Variants in PRKN observed in about 807,000 individuals in gnomAD.
PRKN encodes E3 ubiquitin-protein ligase parkin.
Under a neutral mutation model 59.5 loss-of-function variants are expected in PRKN, and 56 were observed. The observed-to-expected ratio is 0.94, with a 90% CI of 0.76 to 1.18. The LOEUF is 1.18. PRKN is among the 50% of genes most tolerant of loss of function. The pLI is 0.00. For missense variants in PRKN, 657 were observed against 596.4 expected (o/e 1.10, Z -1.06); for synonymous variants, 250 against 222.1 (o/e 1.13, Z -1.12).
intron 3 of PRKN, among the ~76,000 whole-genome samples, chr6:162,228,595 C>T (rs777545711): frequency 2.0e-5 from 3 of 152,092 alleles, no homozygotes; most frequent in Non-Finnish European, 4.4e-5. Context: ...GCTGAAAGAT[C>T]GTTAAATGGT....
Position 162,641,879 on chromosome 6 carries a change from G to T in PRKN, c.7+85783C>A, listed in dbSNP as rs1037938262. On this transcript the variant is annotated intron_variant, in intron 1 of 11. Transcript: ENST00000366898. ...ACAGAATTTACCAAAAAATTAACAC[G>T]TTTCATTATTTCTTTACAGATTCAG... is the stretch of plus-strand genomic sequence containing the variant. 2.0e-5 allele frequency among the ~76,000 whole-genome samples: 3 copies of T among 151,980 alleles called. No homozygotes were observed. In the East Asian group the frequency reaches 5.8e-4, roughly 29 times the overall value.
chr6:161,630,695 T>C (rs1168716765), intron 7 of PRKN, among the ~76,000 whole-genome samples: 3 of 152,134 alleles, frequency 2.0e-5, no homozygotes, highest in Non-Finnish European at 4.4e-5. Flanking sequence ...GGTTTTCTCT[T>C]GTCATCATCA....
rs1269470353 is a variant in PRKN at position 162,461,533 on chromosome 6, GAAAA to G, written c.8-18064_8-18061del. Among the ~76,000 whole-genome samples the G allele has an allele frequency of 1.5e-4, 15 of 97,640 alleles. No individual in the cohort carries two copies. The East Asian group carries it at 5.1e-3, about 33-fold the overall frequency. 64.1% of individuals were successfully genotyped at this position (97,640 alleles called of 152,430 possible). Reference sequence around the variant, plus strand: ...AAAAAAAAAAAAAAAAAAAAAGAAAGAAAAAGAAAAGAAAAGAAAACAAAAAAAG... The same window carrying G: ...AAAAAAAAAAAAAAAAAAAAAGAAAGAGAAAAGAAAAGAAAACAAAAAAAG... On this transcript the variant is annotated intron_variant, in intron 1 of 11. Coordinates refer to ENST00000366898, the MANE Select transcript of PRKN (RefSeq NM_004562.3).
chr6:162,260,044 A>C (rs1348271040), intron 3 of PRKN, among the ~76,000 whole-genome samples: 1 of 152,196 alleles, frequency 6.6e-6, no homozygotes, highest in Non-Finnish European at 1.5e-5. Flanking sequence ...CAATCTTTAC[A>C]GATGCAACAT....
At chr6:162,705,480 C>G (rs976378586) in intron 1 of PRKN, among the ~76,000 whole-genome samples, 3 of 152,028 alleles carry the variant, frequency 2.0e-5, no homozygotes, top group African/African-American at 7.2e-5. Context: ...TCTAGATGTC[C>G]CATTAAGCAA....
intron 1 of PRKN, among the ~76,000 whole-genome samples, chr6:162,562,939 G>A (rs1403784909): frequency 2.6e-5 from 4 of 152,168 alleles, no homozygotes; most frequent in Non-Finnish European, 5.9e-5. Context: ...GTGGCCACAG[G>A]GGTGCTTGTG....
chr6:162,414,586 C>CG (rs1788519872), intron 2 of PRKN, among the ~76,000 whole-genome samples: 1 of 151,500 alleles, frequency 6.6e-6, no homozygotes, highest in Non-Finnish European at 1.5e-5. Context: ...TTGGTGGTGC[C>CG]TGTAGTCCCA....
Position 161,468,453 on chromosome 6 carries a change from T to C in PRKN, c.1083+80401A>G, listed in dbSNP as rs1790595515. ...CAAATCCTACAGAGTATCCTTTAAA[T>C]GGCAAGGGGGTACTTCAGCCTGACT... On this transcript the variant is annotated intron_variant, in intron 9 of 11. Coordinates refer to ENST00000366898, the MANE Select transcript of PRKN (RefSeq NM_004562.3). The surrounding 1 kb of genome is among the most constrained non-coding windows in gnomAD (Gnocchi z 5.9). Among the ~76,000 whole-genome samples the C allele has an allele frequency of 6.6e-6, 1 of 152,234 alleles. No individual in the cohort carries two copies. Among genetic ancestry groups the C allele is most frequent in the Admixed American group, 6.5e-5 (1 of 15,286 alleles).
At chr6:162,380,245 CATT>C (rs1786357018) in intron 2 of PRKN, among the ~76,000 whole-genome samples, 1 of 151,542 alleles carries the variant, frequency 6.6e-6, no homozygotes, top group African/African-American at 2.4e-5. Flanking sequence ...ATAGTGATAG[CATT>C]ATAATGTGAC....
chr6:161,800,525 C>A (rs1181569584), intron 6 of PRKN, among the ~76,000 whole-genome samples: 1 of 152,150 alleles, frequency 6.6e-6, no homozygotes, highest in African/African-American at 2.4e-5. Flanking sequence ...ACTATAGCTC[C>A]CTTTAAAAAA....
At chr6:161,823,670 A>G (rs986997814) in intron 6 of PRKN, among the ~76,000 whole-genome samples, 25 of 152,196 alleles carry the variant, frequency 1.6e-4, no homozygotes, top group Admixed American at 5.2e-4. Flanking sequence ...AACCCATTAA[A>G]GCCACATTTG....
At chr6:161,664,480 G>A (rs546692095) in intron 7 of PRKN, among the ~76,000 whole-genome samples, 9 of 152,162 alleles carry the variant, frequency 5.9e-5, no homozygotes, top group East Asian at 3.9e-4. Flanking sequence ...TTATAGTTAC[G>A]GCAACTTCTT....
In PRKN at chr6:161,576,322, G is replaced by A. The variant is rs1781129015; in HGVS notation, c.872-6906C>T. 6.6e-6 allele frequency among the ~76,000 whole-genome samples: 1 copy of A among 152,154 alleles called. No homozygotes were observed. The highest frequency in any genetic ancestry group is 1.5e-5 in the Non-Finnish European group (1 of 68,034). ...CCGTAGCCAATACTTGCTGTCTCAA[G>A]ATATCCTAAGCCAGTTAAGGAGAAT... On this transcript the variant is annotated intron_variant, in intron 7 of 11. Coordinates refer to ENST00000366898, the MANE Select transcript of PRKN (RefSeq NM_004562.3). This position sits in a 1 kb window ranked among gnomAD's most constrained non-coding sequence, Gnocchi z 4.6.
chr6:162,230,962 T>C (rs1778397029), intron 3 of PRKN, among the ~76,000 whole-genome samples: 1 of 152,190 alleles, frequency 6.6e-6, no homozygotes, highest in South Asian at 2.1e-4. Flanking sequence ...GACACCTGTC[T>C]CCCCAATGTG....
intron 6 of PRKN, among the ~76,000 whole-genome samples, chr6:161,797,114 A>T (rs1254048412): frequency 6.6e-6 from 1 of 152,236 alleles, no homozygotes; most frequent in African/African-American, 2.4e-5. Context: ...TCAGACACAG[A>T]GTGGTTTTAA....
chr6:162,632,848 T>C (rs1255296090), intron 1 of PRKN, among the ~76,000 whole-genome samples: 3 of 152,116 alleles, frequency 2.0e-5, no homozygotes, highest in Non-Finnish European at 2.9e-5. Context: ...AATTCTAATA[T>C]AATACAAAAT....
chr6:161,915,769 T>C (rs563621717), intron 6 of PRKN, among the ~76,000 whole-genome samples: 1 of 152,346 alleles, frequency 6.6e-6, no homozygotes, highest in East Asian at 1.9e-4. Context: ...TTCTGGAATA[T>C]GTGAATAAGT....
At chr6:162,345,037 AGC>A (rs1423298184) in intron 2 of PRKN, among the ~76,000 whole-genome samples, 22 of 152,202 alleles carry the variant, frequency 1.4e-4, no homozygotes, top group Admixed American at 5.2e-4. Context: ...CAACCAAGGA[AGC>A]TGTTCAGAAA....
chr6:161,883,108 A>G (rs925730075), intron 6 of PRKN, among the ~76,000 whole-genome samples: 1 of 152,204 alleles, frequency 6.6e-6, no homozygotes, highest in African/African-American at 2.4e-5. Context: ...AAGATAAAGA[A>G]AGGCAGAAAT....
Sources: allele counts gnomAD v4.1 joint callset (sites outside exome capture counted in the v4.1 genomes callset), GRCh38; gene constraint gnomAD v4.1.1; non-coding constraint Gnocchi (gnomAD v3.1); transcripts MANE v1.5; gene names NCBI Gene and HGNC (gene_info 2026-07-23, HGNC 2026-07-21).